MLKL: variants seen among roughly 807,000 people sequenced by gnomAD.
The protein encoded by MLKL is mixed lineage kinase domain like pseudokinase, also known as mixed lineage kinase domain-like protein.
A neutral mutation model predicts 56.5 loss-of-function variants in MLKL; 55 were observed. The observed-to-expected ratio is 0.97, with a 90% CI of 0.78 to 1.22. The LOEUF (loss-of-function observed/expected upper bound fraction) is 1.22, where lower values mean the gene tolerates loss of function less well. Ranked by LOEUF, MLKL falls within the 50% of genes most tolerant of loss-of-function variation. The pLI, the probability that MLKL is intolerant of heterozygous loss-of-function variation, is 0.00. For synonymous variants in MLKL, 251 were observed against 208.3 expected (o/e 1.20, Z -1.76); for missense variants, 694 against 573.9 (o/e 1.21, Z -2.14).
chr16:74,682,549 ACTGT>A (rs929864178), intron 6 of MLKL, 98 bp downstream of exon 6: 12 of 1,472,498 alleles, frequency 8.1e-6, no homozygotes, highest in East Asian at 2.3e-5. Context: ...TGGGAGGGAG[ACTGT>A]CTGGGGCGTC....
intron 6 of MLKL, among the ~76,000 whole-genome samples, chr16:74,680,623 C>T (rs186010510): frequency 0.019 from 2,962 of 152,264 alleles, 44 homozygotes; most frequent in South Asian, 0.05. Flanking sequence ...TCTCCTGCCT[C>T]AGCCTTACGA....
At chr16:74,695,243 T>C (rs1024390908) in intron 2 of MLKL, 55 bp downstream of exon 2, 1 of 1,536,216 alleles carries the variant, frequency 6.5e-7, no homozygotes, top group Non-Finnish European at 8.9e-7. Context: ...TAAATTAAAG[T>C]GAGACTAAAA....
chr16:74,680,577 G>A (rs1396033010), intron 6 of MLKL, among the ~76,000 whole-genome samples: 2 of 152,080 alleles, frequency 1.3e-5, no homozygotes, highest in African/African-American at 4.8e-5. Flanking sequence ...CACAATCTCA[G>A]CTCACTGCAA....
At chr16:74,676,486 T>A (rs1959603073) in intron 7 of MLKL, 1 of 984,786 alleles carries the variant, frequency 1.0e-6, no homozygotes. Context: ...TTTCATTCAT[T>A]CATTCATTCA....
chr16:74,694,009 TAAAAC>T (rs1960861582), intron 2 of MLKL, among the ~76,000 whole-genome samples: 1 of 152,214 alleles, frequency 6.6e-6, no homozygotes, highest in Admixed American at 6.5e-5. Flanking sequence ...AGTATGATCA[TAAAAC>T]AAAACAAAAC....
At chr16:74,679,086 T>C in intron 6 of MLKL, 106 bp from the exon 7 acceptor site, 1 of 819,338 alleles carries the variant, frequency 1.2e-6, no homozygotes, top group Non-Finnish European at 2.0e-6. Context: ...CATGGGTGCC[T>C]GTCCACAGTT....
chr16:74,679,000 G>A lies in MLKL; in HGVS notation c.957-20C>T, dbSNP rs766778964. 1.2e-5 allele frequency: 20 copies of A among 1,608,668 alleles called. No individual in the cohort carries two copies. The highest frequency in any genetic ancestry group is 5.5e-5 in the South Asian group (5 of 90,930). ...TGTAGCCTGACACAGCCAAAGGCGG[G>A]GAGCATAAGTACCTTTGCCCAAACT... On this transcript the variant is annotated intron_variant, in intron 6 of 10. Coordinates refer to ENST00000308807, the MANE Select transcript of MLKL (RefSeq NM_152649.4).
At chr16:74,696,786 C>T (rs1319045568) in intron 1 of MLKL, among the ~76,000 whole-genome samples, 2 of 150,962 alleles carry the variant, frequency 1.3e-5, no homozygotes, top group African/African-American at 2.4e-5. Flanking sequence ...GGTGAAACCC[C>T]GTCTCTACTA....
At chr16:74,691,550 T>C in intron 3 of MLKL, 87 bp from the exon 4 acceptor site, 1 of 1,403,964 alleles carries the variant, frequency 7.1e-7, no homozygotes, top group Non-Finnish European at 9.7e-7. Context: ...TTGTGATGTG[T>C]GAGTGGGAAG....
chr16:74,682,087 A>AAT (rs1555532173), intron 6 of MLKL, among the ~76,000 whole-genome samples: 21 of 144,402 alleles, frequency 1.5e-4, no homozygotes, highest in African/African-American at 4.7e-4. Context: ...CTCTACAAAA[A>AAT]ATATATATAA....
intron 5 of MLKL, 78 bp from the exon 6 acceptor site, chr16:74,682,864 C>A: frequency 8.5e-6 from 13 of 1,536,980 alleles, no homozygotes; most frequent in Non-Finnish European, 1.1e-5. Flanking sequence ...CTCTCCCAGC[C>A]TCGGTACAGA....
At chr16:74,696,548 A>G (rs189634778) in intron 1 of MLKL, among the ~76,000 whole-genome samples, 177 of 152,212 alleles carry the variant, frequency 1.2e-3, no homozygotes, top group South Asian at 7.1e-3. Flanking sequence ...GCACTTTGAG[A>G]GGAAGAGACA....
chr16:74,686,071 T>C (rs1960308927), intron 4 of MLKL, among the ~76,000 whole-genome samples: 1 of 151,918 alleles, frequency 6.6e-6, no homozygotes, highest in African/African-American at 2.4e-5. Flanking sequence ...GCAATTCTCA[T>C]GCCTCAGCCA....
chr16:74,695,467 G>C lies in MLKL; in HGVS notation c.291C>G (p.Leu97=), dbSNP rs1321092646. Residue 97 remains leucine, a synonymous_variant, in exon 2 of 11, where the codon CTC becomes CTG. Transcript: ENST00000308807. ...RFLTASQDKI[L]FKDVNRKLSD... ...TCAGCTTCCTGTTCACGTCCTTGAA[G>C]AGTATTTTGTCCTGGCTTGCTGTTA... 6.2e-7 allele frequency: 1 copy of C among 1,614,208 alleles called. No homozygotes were observed. The highest frequency in any genetic ancestry group is 1.3e-5 in the African/African-American group (1 of 75,048).
At chr16:74,691,053 G>GT (rs780588238) in intron 4 of MLKL, among the ~76,000 whole-genome samples, 14,850 of 146,006 alleles carry the variant, frequency 0.1, 846 homozygotes, top group African/African-American at 0.16. Flanking sequence ...AGGGAAAGTT[G>GT]TTTTTTTTTT....
intron 6 of MLKL, among the ~76,000 whole-genome samples, chr16:74,681,814 G>GA (rs1959990528): frequency 1.3e-5 from 2 of 151,096 alleles, no homozygotes; most frequent in Admixed American, 6.6e-5. Flanking sequence ...AAAAAGAAAA[G>GA]AAAAAAACAC....
chr16:74,676,503 C>CA, intron 7 of MLKL: 1 of 981,586 alleles, frequency 1.0e-6, no homozygotes, highest in African/African-American at 1.7e-5. Flanking sequence ...TTCATTTGCT[C>CA]ACACGTTTCC....
At chr16:74,674,813 C>T in intron 10 of MLKL, 147 bp downstream of exon 10, 2 of 1,003,542 alleles carry the variant, frequency 2.0e-6, no homozygotes, top group Non-Finnish European at 2.9e-6. Context: ...TTATGACAAA[C>T]AACAATGTTT....
chr16:74,673,952 TAAAAA>T (rs5817923), intron 10 of MLKL, among the ~76,000 whole-genome samples: 1 of 104,664 alleles, frequency 9.6e-6, no homozygotes, highest in South Asian at 3.2e-4. Flanking sequence ...ACCTCCTCTC[TAAAAA>T]AAAAAAAAAA....
Sources: allele counts gnomAD v4.1 joint callset (sites outside exome capture counted in the v4.1 genomes callset), GRCh38; gene constraint gnomAD v4.1.1; transcripts MANE v1.5; gene names NCBI Gene and HGNC (gene_info 2026-07-23, HGNC 2026-07-21).